The following LRRC7 variants were observed in gnomAD, a reference collection of about 807,000 sequenced individuals.
LRRC7 encodes leucine rich repeat containing 7.
Under a neutral mutation model 175.7 loss-of-function variants are expected in LRRC7, and 23 were observed. The ratio of observed to expected loss-of-function variants is 0.13; its 90% CI spans 0.09 to 0.19. The LOEUF is 0.19. Among genes scored for constraint, LRRC7 ranks in the 10% least tolerant of loss-of-function variants. The pLI is 1.00. For synonymous variants in LRRC7, 685 were observed against 680.9 expected (o/e 1.01, Z -0.09); for missense variants, 1,354 against 1,904.7 (o/e 0.71, Z 5.38).
intron 1 of LRRC7, among the ~76,000 whole-genome samples, chr1:69,608,854 C>CTA (rs1648157749): frequency 2.9e-5 from 1 of 34,702 alleles, no homozygotes; most frequent in Non-Finnish European, 5.0e-5. Context: ...CTCTCTCTCT[C>CTA]TCTCTCTCTC....
chr1:69,743,717 A>C (rs1229628057), intron 2 of LRRC7, among the ~76,000 whole-genome samples: 1 of 151,958 alleles, frequency 6.6e-6, no homozygotes, highest in Non-Finnish European at 1.5e-5. Context: ...ACTTAAGGTC[A>C]GTTTTGGGGA....
At chr1:70,030,241 C>A (rs1405387304) in intron 18 of LRRC7, among the ~76,000 whole-genome samples, 1 of 152,196 alleles carries the variant, frequency 6.6e-6, no homozygotes, top group Non-Finnish European at 1.5e-5. Flanking sequence ...AAAAACACTA[C>A]AGTGACTTCT....
At chr1:69,698,557 C>G (rs570383529) in intron 2 of LRRC7, among the ~76,000 whole-genome samples, 1 of 152,288 alleles carries the variant, frequency 6.6e-6, no homozygotes, top group Non-Finnish European at 1.5e-5. Flanking sequence ...TAGGAATATC[C>G]AGAAAACTGA....
intron 11 of LRRC7, among the ~76,000 whole-genome samples, chr1:69,996,172 T>C (rs1176294136): frequency 6.6e-6 from 1 of 151,490 alleles, no homozygotes; most frequent in African/African-American, 2.4e-5. Context: ...GAGCATTTTT[T>C]CATGTGTTTT....
chr1:69,659,436 TA>T (rs540334120), intron 1 of LRRC7, among the ~76,000 whole-genome samples: 73 of 133,080 alleles, frequency 5.5e-4, no homozygotes, highest in African/African-American at 2.0e-3. Flanking sequence ...ATAAAACCAG[TA>T]AAAAAAATGT....
chr1:69,654,087 T>G (rs1233651375), intron 1 of LRRC7, among the ~76,000 whole-genome samples: 1 of 151,938 alleles, frequency 6.6e-6, no homozygotes, highest in East Asian at 1.9e-4. Flanking sequence ...CTTAAAAATT[T>G]GTTAAGAATT....
intron 8 of LRRC7, among the ~76,000 whole-genome samples, chr1:69,945,233 T>C (rs1292517381): frequency 6.6e-6 from 1 of 152,090 alleles, no homozygotes. Flanking sequence ...TATCCAACTT[T>C]CCCAAAAGTA....
intron 17 of LRRC7, among the ~76,000 whole-genome samples, 183 bp downstream of exon 17, chr1:70,023,557 G>A (rs1287355102): frequency 6.6e-6 from 1 of 151,986 alleles, no homozygotes; most frequent in Non-Finnish European, 1.5e-5. Context: ...GGGGTGGGGA[G>A]GACTAAGTCA....
intron 8 of LRRC7, among the ~76,000 whole-genome samples, chr1:69,968,976 A>G (rs1047221095): frequency 4.0e-5 from 6 of 151,748 alleles, no homozygotes; most frequent in Middle Eastern, 3.2e-3. Flanking sequence ...CCGCCACCAC[A>G]CCTGGCTGGT....
At chr1:69,878,509 G>A (rs1686253391) in intron 7 of LRRC7, among the ~76,000 whole-genome samples, 2 of 152,152 alleles carry the variant, frequency 1.3e-5, no homozygotes, top group South Asian at 4.1e-4. Context: ...TAGGTGGCAT[G>A]ATGAGGTCAT....
chr1:69,855,676 A>G (rs919033990), intron 7 of LRRC7, among the ~76,000 whole-genome samples: 3 of 151,972 alleles, frequency 2.0e-5, no homozygotes, highest in Non-Finnish European at 4.4e-5. Context: ...ATTCCTGGAT[A>G]TCCTTGTTAA....
In LRRC7 at chr1:70,136,755, G is replaced by T. The variant is rs1443265879; in HGVS notation, c.*14868G>T. 3.0e-5 allele frequency among the ~76,000 whole-genome samples: 4 copies of T among 134,238 alleles called. No homozygotes were observed. The highest frequency in any genetic ancestry group is 4.7e-5 in the Non-Finnish European group (3 of 64,264). 88.1% of individuals were successfully genotyped at this position (134,238 alleles called of 152,430 possible). A position where few individuals can be genotyped will look rare whatever the true frequency, so the allele number is the denominator to read the frequency against. On this transcript the variant is annotated 3_prime_UTR_variant, in exon 27 of 27. Coordinates refer to ENST00000651989, the MANE Select transcript of LRRC7 (RefSeq NM_001370785.2). ...TTTTTTTTTTTTTTTTCTGAGACAG[G>T]GTCTTGCTCTGTCACCCAGGTTGGA...
intron 7 of LRRC7, among the ~76,000 whole-genome samples, chr1:69,925,350 G>C (rs563277797): frequency 6.6e-6 from 1 of 152,206 alleles, no homozygotes; most frequent in East Asian, 1.9e-4. Context: ...TTTTTCTATT[G>C]ATTGGAATAG....
intron 3 of LRRC7, among the ~76,000 whole-genome samples, chr1:69,789,663 C>G (rs1437191535): frequency 6.6e-6 from 1 of 152,026 alleles, no homozygotes. Flanking sequence ...ATATAGCACT[C>G]TCTTTATTTC....
At chr1:69,613,437 G>A (rs898627039) in intron 1 of LRRC7, among the ~76,000 whole-genome samples, 1 of 151,928 alleles carries the variant, frequency 6.6e-6, no homozygotes, top group Admixed American at 6.6e-5. Context: ...ATGAATTTAT[G>A]GCGGACACAT....
At chr1:69,806,794 A>G (rs1350008177) in intron 4 of LRRC7, among the ~76,000 whole-genome samples, 1 of 152,004 alleles carries the variant, frequency 6.6e-6, no homozygotes, top group Non-Finnish European at 1.5e-5. Flanking sequence ...GTTTGCCTAT[A>G]CACCAAAATA....
intron 26 of LRRC7, among the ~76,000 whole-genome samples, chr1:70,115,333 T>G (rs1310080016): frequency 6.6e-6 from 1 of 152,204 alleles, no homozygotes; most frequent in Non-Finnish European, 1.5e-5. Flanking sequence ...GGTTGTGTTT[T>G]TGCAGTCTTT....
intron 22 of LRRC7, among the ~76,000 whole-genome samples, chr1:70,045,963 C>T (rs1660298572): frequency 6.6e-6 from 1 of 152,094 alleles, no homozygotes; most frequent in Non-Finnish European, 1.5e-5. Flanking sequence ...TGGATTATTA[C>T]AATTCAAGGT....
chr1:69,802,218 G>A (rs1483225910), intron 4 of LRRC7, among the ~76,000 whole-genome samples: 1 of 151,390 alleles, frequency 6.6e-6, no homozygotes, highest in Non-Finnish European at 1.5e-5. Flanking sequence ...CAAATGTTCT[G>A]TATGTCTATT....
Sources: gnomAD v4.1 joint callset for allele counts (sites outside exome capture counted in the v4.1 genomes callset) on GRCh38, gnomAD v4.1.1 for gene constraint, MANE v1.5 for transcripts, NCBI Gene and HGNC (gene_info 2026-07-23, HGNC 2026-07-21) for gene names.